BAZ2B: variants seen among roughly 807,000 people sequenced by gnomAD.
BAZ2B encodes the protein bromodomain adjacent to zinc finger domain 2B.
A neutral mutation model predicts 246.0 loss-of-function variants in BAZ2B; 91 were observed. The ratio of observed to expected loss-of-function variants is 0.37; its 90% CI spans 0.31 to 0.44. BAZ2B has a LOEUF of 0.44. Ranked by LOEUF, BAZ2B falls within the 20% of genes least tolerant of loss-of-function variation. The probability of loss-of-function intolerance (pLI) is 1.00; values close to 1 mark genes in which losing one functional copy is unlikely to be tolerated. For missense variants in BAZ2B, 2,332 were observed against 2,533.7 expected, an observed-to-expected ratio of 0.92 and a Z score of 1.71; for synonymous variants, 855 against 860.0, an observed-to-expected ratio of 0.99 and a Z score of 0.10.
intron 3 of BAZ2B, among the ~76,000 whole-genome samples, chr2:159,475,141 A>T (rs1328386062): frequency 6.6e-6 from 1 of 152,184 alleles, no homozygotes; most frequent in Non-Finnish European, 1.5e-5. Flanking sequence ...AATATCCTGA[A>T]GAGTGTTTTC....
chr2:159,469,595 C>T lies in BAZ2B; in HGVS notation c.145+8980G>A, dbSNP rs2077522513. Among the ~76,000 whole-genome samples, 6 of 152,048 alleles carry T rather than the reference C, an allele frequency of 3.9e-5. No individual in the cohort carries two copies. In the South Asian group the frequency reaches 1.0e-3, roughly 26 times the overall value. ...GGATTACAGGTGCCCGCCACCATGC[C>T]TGGCTAATTTTTTATATATATTTTT... On this transcript the variant is annotated intron_variant, in intron 3 of 36. Coordinates refer to ENST00000392783, the MANE Select transcript of BAZ2B (RefSeq NM_013450.4).
At chr2:159,544,080 C>CT (rs999683553) in intron 2 of BAZ2B, among the ~76,000 whole-genome samples, 10 of 152,172 alleles carry the variant, frequency 6.6e-5, no homozygotes, top group African/African-American at 2.4e-4. Flanking sequence ...ATTTTCCTGA[C>CT]TCTGTCCCCC....
In BAZ2B at chr2:159,549,988, G is replaced by A. The variant is rs568843295; in HGVS notation, c.-3+5835C>T. Among the ~76,000 whole-genome samples, 11 of 151,904 alleles carry A rather than the reference G, an allele frequency of 7.2e-5. No homozygotes were observed. In the South Asian group the frequency reaches 1.9e-3, roughly 26 times the overall value. On this transcript the variant is annotated intron_variant, in intron 2 of 36. Transcript: ENST00000392783. ...ACAGGCATGTGCCACCACGCCTGGC[G>A]AATTTTTGTATTTTTAGTAGAGATG... is the stretch of plus-strand genomic sequence containing the variant.
chr2:159,569,656 T>C (rs1683468602), intron 1 of BAZ2B, among the ~76,000 whole-genome samples: 1 of 152,136 alleles, frequency 6.6e-6, no homozygotes, highest in African/African-American at 2.4e-5. Context: ...ACATTTTTCT[T>C]GTCATAGTGT....
chr2:159,691,471 T>TAAGG, the BAZ2B span, among the ~76,000 whole-genome samples: 69,157 of 151,740 alleles, frequency 0.46, 16,560 homozygotes, highest in Middle Eastern at 0.63. Flanking sequence ...AAGAAAATCA[T>TAAGG]GAGAGAAAAT....
rs538630096 is a variant in BAZ2B, at chr2:159,472,395, C to A, written c.145+6180G>T. The stretch of plus-strand genomic sequence containing the variant: ...CAATCATGTCATCTGCAAACAGAGA[C>A]AATTTGATTTCCTCTTTTCTACTGG... On this transcript the variant is annotated intron_variant, in intron 3 of 36. Coordinates refer to ENST00000392783, the MANE Select transcript of BAZ2B (RefSeq NM_013450.4). 1.3e-4 allele frequency among the ~76,000 whole-genome samples: 20 copies of A among 152,344 alleles called. No homozygotes were observed. The East Asian group carries it at 3.5e-3, about 26-fold the overall frequency.
chr2:159,370,877 C>T (rs2060776767), intron 27 of BAZ2B, among the ~76,000 whole-genome samples: 1 of 152,140 alleles, frequency 6.6e-6, no homozygotes, highest in African/African-American at 2.4e-5. Flanking sequence ...TCTCGGCTCA[C>T]TGCAACCTCT....
chr2:159,649,645 T>C, the BAZ2B span, among the ~76,000 whole-genome samples: 4 of 152,146 alleles, frequency 2.6e-5, no homozygotes, highest in Non-Finnish European at 4.4e-5. Flanking sequence ...TTTTCTCTTA[T>C]TACTATTTGT....
At chr2:159,454,623 G>A in intron 3 of BAZ2B, among the ~76,000 whole-genome samples, 1 of 152,176 alleles carries the variant, frequency 6.6e-6, no homozygotes, top group Admixed American at 6.5e-5. Context: ...GTCAGGCATT[G>A]ACCAAAATGT....
intron 27 of BAZ2B, among the ~76,000 whole-genome samples, chr2:159,354,333 T>A (rs2058854622): frequency 7.1e-6 from 1 of 141,040 alleles, no homozygotes; most frequent in African/African-American, 2.6e-5. Context: ...TCCTAACAGT[T>A]AAACCTCTAA....
intron 2 of BAZ2B, among the ~76,000 whole-genome samples, chr2:159,496,486 G>GA (rs537958598): frequency 0.011 from 1,168 of 108,556 alleles, 14 homozygotes; most frequent in Middle Eastern, 0.019. Flanking sequence ...GACTCTGCAG[G>GA]AAAAAAAAAA....
intron 1 of BAZ2B, among the ~76,000 whole-genome samples, chr2:159,571,904 T>A (rs1032494933): frequency 2.0e-5 from 3 of 152,216 alleles, no homozygotes; most frequent in African/African-American, 7.2e-5. Flanking sequence ...AATCCCTTCA[T>A]AAGGGTGGAG....
chr2:159,408,034 C>T (rs933303662), intron 14 of BAZ2B, among the ~76,000 whole-genome samples: 1 of 152,164 alleles, frequency 6.6e-6, no homozygotes, highest in Non-Finnish European at 1.5e-5. Flanking sequence ...GAAAATATGG[C>T]ATAAGTACGA....
chr2:159,619,139 A>G (rs1696327427), upstream of BAZ2B, among the ~76,000 whole-genome samples: 1 of 152,070 alleles, frequency 6.6e-6, no homozygotes, highest in Non-Finnish European at 1.5e-5. Flanking sequence ...ATTAACTACT[A>G]TATAAAAACT....
At chr2:159,599,950 A>AG (rs1487022265) in intron 1 of BAZ2B, among the ~76,000 whole-genome samples, 8 of 151,464 alleles carry the variant, frequency 5.3e-5, no homozygotes, top group Admixed American at 1.3e-4. Context: ...AAAAAAAAAA[A>AG]AAAGAAAAGA....
At chr2:159,604,278 T>A (rs909510204) in intron 1 of BAZ2B, among the ~76,000 whole-genome samples, 24 of 152,148 alleles carry the variant, frequency 1.6e-4, no homozygotes, top group African/African-American at 5.3e-4. Context: ...TTTTATATTT[T>A]ATTTTATTTT....
the BAZ2B span, among the ~76,000 whole-genome samples, chr2:159,700,890 A>C: frequency 6.6e-6 from 1 of 152,210 alleles, no homozygotes; most frequent in Non-Finnish European, 1.5e-5. Flanking sequence ...TTGGTAAGAC[A>C]AACAATTTCT....
chr2:159,406,815 C>T (rs550866525), intron 14 of BAZ2B, among the ~76,000 whole-genome samples: 4 of 151,884 alleles, frequency 2.6e-5, no homozygotes, highest in South Asian at 2.1e-4. Flanking sequence ...AGTGCAGTGG[C>T]GTGATCTCGG....
intron 4 of BAZ2B, among the ~76,000 whole-genome samples, chr2:159,452,849 C>T (rs1481591164): frequency 6.6e-6 from 1 of 152,160 alleles, no homozygotes; most frequent in Non-Finnish European, 1.5e-5. Flanking sequence ...CCTGTAATTC[C>T]AGCACTCTGT....
Sources: gnomAD v4.1 joint callset for allele counts (sites outside exome capture counted in the v4.1 genomes callset) on GRCh38, gnomAD v4.1.1 for gene constraint, MANE v1.5 for transcripts, NCBI Gene and HGNC (gene_info 2026-07-23, HGNC 2026-07-21) for gene names.